The following NARS2 variants were observed in gnomAD, a reference collection of about 807,000 sequenced individuals.
NARS2 encodes asparaginyl-tRNA synthetase.
NARS2 carries 60 observed loss-of-function variants against 62.9 expected under a neutral mutation model. That is an observed-to-expected ratio of 0.95 (90% CI 0.77 to 1.18). The LOEUF (loss-of-function observed/expected upper bound fraction) is 1.18, where lower values mean the gene tolerates loss of function less well. NARS2 is among the 50% of genes most tolerant of loss of function. The pLI is 0.00. For synonymous variants in NARS2, 196 were observed against 200.0 expected, an observed-to-expected ratio of 0.98 and a Z score of 0.17; for missense variants, 619 against 576.4, an observed-to-expected ratio of 1.07 and a Z score of -0.76.
At chr11:78,540,098 C>T (rs1005835069) in intron 5 of NARS2, among the ~76,000 whole-genome samples, 2 of 152,138 alleles carry the variant, frequency 1.3e-5, no homozygotes, top group African/African-American at 4.8e-5. Context: ...CCTAGCCTTT[C>T]TCTATTATGC....
At chr11:78,465,418 C>T (rs983865025) in intron 11 of NARS2, among the ~76,000 whole-genome samples, 2 of 152,258 alleles carry the variant, frequency 1.3e-5, no homozygotes, top group Non-Finnish European at 2.9e-5. Context: ...CGAGGAGGCG[C>T]CGAGAGCGAG....
intron 6 of NARS2, among the ~76,000 whole-genome samples, chr11:78,506,565 C>T (rs1351612894): frequency 6.6e-6 from 1 of 152,150 alleles, no homozygotes; most frequent in African/African-American, 2.4e-5. Context: ...GATGGAGTCT[C>T]GCTCTGTTGC....
intron 5 of NARS2, among the ~76,000 whole-genome samples, chr11:78,537,476 G>A (rs1209442878): frequency 6.6e-6 from 1 of 152,146 alleles, no homozygotes; most frequent in African/African-American, 2.4e-5. Context: ...AATGTGTCTA[G>A]AAGTTTCAGA....
intron 7 of NARS2, among the ~76,000 whole-genome samples, chr11:78,489,335 T>C (rs1859716583): frequency 6.6e-6 from 1 of 152,148 alleles, no homozygotes; most frequent in African/African-American, 2.4e-5. Flanking sequence ...CATGAAAAGA[T>C]GCTCAACATC....
At chr11:78,456,582 T>C (rs1858171547) in intron 11 of NARS2, among the ~76,000 whole-genome samples, 2 of 152,212 alleles carry the variant, frequency 1.3e-5, no homozygotes, top group African/African-American at 4.8e-5. Flanking sequence ...TATTCTCCTT[T>C]CTGAGTTGAC....
intron 5 of NARS2, among the ~76,000 whole-genome samples, chr11:78,532,624 C>A (rs767374862): frequency 6.6e-6 from 1 of 152,184 alleles, no homozygotes; most frequent in East Asian, 1.9e-4. Context: ...CTTCCTATTA[C>A]AGATTAACCT....
At position 78,571,354 on chromosome 11, in the gene NARS2, C is replaced by G. The variant is rs1483269751; in HGVS notation, c.232G>C (p.Asp78His). Residue 78 changes from aspartate (D) to histidine (H), a missense_variant, in exon 2 of 14, where the codon GAT (aspartate) becomes CAT (histidine). Asp to His is a moderately conservative substitution (Grantham distance 81, BLOSUM62 -1). Transcript: ENST00000281038. ...SSLESLQVVA[D>H]SGLDSRELNF... ...ACTCACCTACTGTCAAGGCCTGAAT[C>G]TGCAACAACCTGAAGGCTTTCCAAA... 2 of 1,612,912 alleles carry G rather than the reference C, an allele frequency of 1.2e-6. No homozygotes were observed. Among genetic ancestry groups the G allele is most frequent in the African/African-American group, 2.7e-5 (2 of 74,786 alleles).
intron 6 of NARS2, among the ~76,000 whole-genome samples, chr11:78,504,734 T>C (rs1054023401): frequency 3.3e-5 from 5 of 152,182 alleles, no homozygotes; most frequent in African/African-American, 9.7e-5. Flanking sequence ...CTATGAGGCA[T>C]TTCTATTAAG....
In NARS2 at chr11:78,447,369, C is replaced by G. The variant is rs369491124; in HGVS notation, c.1165-3611G>C. On this transcript the variant is annotated intron_variant, in intron 11 of 13. Coordinates refer to ENST00000281038, the MANE Select transcript of NARS2 (RefSeq NM_024678.6). ...ATGAAAAATAAGTTTGGAGAGGATA[C>G]AGAGAAAAGGAACTCTTATACACTG... Among the ~76,000 whole-genome samples, 25 of 152,048 alleles carry G rather than the reference C, an allele frequency of 1.6e-4. No homozygotes were observed. The East Asian group carries it at 4.3e-3, about 26-fold the overall frequency.
chr11:78,469,349 A>G (rs544222321), intron 9 of NARS2, 36 bp from the exon 10 acceptor site: 3 of 1,503,702 alleles, frequency 2.0e-6, no homozygotes, highest in African/African-American at 1.4e-5. Flanking sequence ...AGAAAAGTCA[A>G]TACAATGGAG....
Position 78,564,039 on chromosome 11 carries a change from C to T in NARS2, c.513+2093G>A, listed in dbSNP as rs1262223213. 2.0e-5 allele frequency among the ~76,000 whole-genome samples: 3 copies of T among 150,076 alleles called. No homozygotes were observed. The South Asian group carries it at 6.4e-4, about 32-fold the overall frequency. ...TCAGCCTCCCGAGTAGCTGGAACTA[C>T]AGGCACACGCCACCATACCCAGCTA... On this transcript the variant is annotated intron_variant, in intron 4 of 13. Transcript: ENST00000281038.
rs770577743 is a variant in NARS2 at position 78,436,635 on chromosome 11, C to T, written c.*35G>A. 1 of 1,611,680 alleles carries T rather than the reference C, an allele frequency of 6.2e-7. No individual in the cohort carries two copies. Among genetic ancestry groups the T allele is most frequent in the Non-Finnish European group, 8.5e-7 (1 of 1,178,364 alleles). On this transcript the variant is annotated 3_prime_UTR_variant, in exon 14 of 14. Coordinates refer to ENST00000281038, the MANE Select transcript of NARS2 (RefSeq NM_024678.6). ...TGCACAATCATGTGCAGTGTCTCTG[C>T]CATGGGGGGTGCTTTTCCTTAACCA...
chr11:78,463,705 G>C (rs372273479), intron 11 of NARS2, among the ~76,000 whole-genome samples: 554 of 18,848 alleles, frequency 0.029, 4 homozygotes, highest in African/African-American at 0.073. Flanking sequence ...GACAACTATA[G>C]TTAAGGTCAA....
chr11:78,539,246 G>A (rs1855516462), intron 5 of NARS2, among the ~76,000 whole-genome samples: 1 of 151,820 alleles, frequency 6.6e-6, no homozygotes, highest in South Asian at 2.1e-4. Flanking sequence ...AAGAAGAGTA[G>A]CTTGAATTAA....
chr11:78,451,283 T>C (rs59060833), intron 11 of NARS2, among the ~76,000 whole-genome samples: 3,892 of 152,324 alleles, frequency 0.026, 168 homozygotes, highest in African/African-American at 0.089. Flanking sequence ...TTAGTTAGGA[T>C]TGAAATTCCA....
At chr11:78,538,507 G>C (rs116769016) in intron 5 of NARS2, among the ~76,000 whole-genome samples, 1,639 of 152,178 alleles carry the variant, frequency 0.011, 25 homozygotes, top group African/African-American at 0.037. Flanking sequence ...GGTATGGGAA[G>C]GGCTCTTAAG....
At chr11:78,516,553 T>C (rs1251094787) in intron 6 of NARS2, among the ~76,000 whole-genome samples, 5 of 152,196 alleles carry the variant, frequency 3.3e-5, no homozygotes, top group South Asian at 2.1e-4. Context: ...TCAGACTCTA[T>C]AGGGTCACGA....
intron 6 of NARS2, among the ~76,000 whole-genome samples, chr11:78,519,326 C>CAGCCCAA (rs1861026523): frequency 6.6e-6 from 1 of 152,122 alleles, no homozygotes; most frequent in South Asian, 2.1e-4. Flanking sequence ...GGAATGAAAT[C>CAGCCCAA]AGCCCAAAGC....
rs59917269 is a variant in NARS2 at position 78,538,994 on chromosome 11, CAAAAAAAAAAAAAAA to C, written c.595-10073_595-10059del. Among the ~76,000 whole-genome samples the C allele has an allele frequency of 2.4e-4, 12 of 49,762 alleles. 1 individual carries two copies. The South Asian group carries it at 7.2e-3, about 30-fold the overall frequency. The allele number at this position is 49,762 out of a possible 152,430, so 32.6% of individuals were successfully genotyped here. On this transcript the variant is annotated intron_variant, in intron 5 of 13. Transcript: ENST00000281038. ...TGGGCGACAGAGCGAGAATCCGTCT[CAAAAAAAAAAAAAAA>C]AAAAAAAAAAAAAAAAAGATGAGGT...
Sources: allele counts gnomAD v4.1 joint callset (sites outside exome capture counted in the v4.1 genomes callset), GRCh38; gene constraint gnomAD v4.1.1; transcripts MANE v1.5; gene names NCBI Gene and HGNC (gene_info 2026-07-23, HGNC 2026-07-21).